Variants in TLL1 observed in about 807,000 individuals in gnomAD.
TLL1 encodes tolloid like 1, also known as tolloid-like protein 1.
Under a neutral mutation model 128.2 loss-of-function variants are expected in TLL1, and 49 were observed. The ratio of observed to expected loss-of-function variants is 0.38; its 90% confidence interval spans 0.30 to 0.48. The LOEUF is 0.48. Among genes scored for constraint, TLL1 ranks in the 20% least tolerant of loss-of-function variants. The pLI, the probability that TLL1 is intolerant of heterozygous loss-of-function variation, is 0.96. For synonymous variants in TLL1, 454 were observed against 418.8 expected, an observed-to-expected ratio of 1.08 and a Z score of -1.03; for missense variants, 1,123 against 1,242.0, an observed-to-expected ratio of 0.90 and a Z score of 1.44.
chr4:165,972,131 CATACTT>C (rs762901362), intron 1 of TLL1, among the ~76,000 whole-genome samples: 23 of 152,280 alleles, frequency 1.5e-4, no homozygotes, highest in Non-Finnish European at 1.9e-4. Flanking sequence ...CTGTGTGAAT[CATACTT>C]ATATATTTTA....
chr4:166,098,948 T>C (rs1742152975), intron 19 of TLL1, among the ~76,000 whole-genome samples: 1 of 152,136 alleles, frequency 6.6e-6, no homozygotes, highest in Non-Finnish European at 1.5e-5. Context: ...TTTTCATGTT[T>C]TAAATTCTCA....
intron 1 of TLL1, among the ~76,000 whole-genome samples, chr4:165,888,154 G>A (rs1349916217): frequency 6.6e-6 from 1 of 152,044 alleles, no homozygotes; most frequent in Non-Finnish European, 1.5e-5. Context: ...TGTGCTGACA[G>A]CCTCCCAGTG....
intron 1 of TLL1, among the ~76,000 whole-genome samples, chr4:165,988,253 C>A (rs1359706850): frequency 6.6e-6 from 1 of 151,914 alleles, no homozygotes; most frequent in Non-Finnish European, 1.5e-5. Context: ...ATGAACTCTC[C>A]CATGGTTTCA....
intron 1 of TLL1, among the ~76,000 whole-genome samples, chr4:165,925,575 A>C (rs1733232237): frequency 6.6e-6 from 1 of 152,252 alleles, no homozygotes; most frequent in African/African-American, 2.4e-5. Context: ...CCCCAGGTGA[A>C]GATGCTTTGA....
At chr4:165,893,135 T>C (rs1731497565) in intron 1 of TLL1, among the ~76,000 whole-genome samples, 1 of 152,230 alleles carries the variant, frequency 6.6e-6, no homozygotes, top group African/African-American at 2.4e-5. Context: ...TAAAGATATT[T>C]GGTCCAAATT....
chr4:166,100,672 C>T (rs749639576), intron 20 of TLL1, 70 bp from the exon 21 acceptor site: 54 of 1,585,566 alleles, frequency 3.4e-5, no homozygotes, highest in Middle Eastern at 1.7e-4. Flanking sequence ...CCCAAACATG[C>T]GTTACACTGA....
intron 1 of TLL1, among the ~76,000 whole-genome samples, chr4:165,985,147 C>T (rs768473343): frequency 7.2e-5 from 11 of 151,900 alleles, no homozygotes; most frequent in African/African-American, 1.2e-4. Context: ...CAAAATTAGT[C>T]GAGGAAGCCG....
Position 166,104,041 on chromosome 4 carries a change from C to T in TLL1, c.*3165C>T, listed in dbSNP as rs1742406620. Reference sequence around the variant, plus strand: ...TCCTATACTGGCTGGATTTTTGCTACCTGTCGCTCATTTTAATATGTCACA... The same window carrying T: ...TCCTATACTGGCTGGATTTTTGCTATCTGTCGCTCATTTTAATATGTCACA... On this transcript the variant is annotated 3_prime_UTR_variant, in exon 21 of 21. Transcript: ENST00000061240. The T allele has an allele frequency of 6.6e-6, 1 of 151,850 alleles. No individual in the cohort carries two copies. The highest frequency in any genetic ancestry group is 2.4e-5 in the African/African-American group (1 of 41,392). The allele number at this position is 151,850 out of a possible 1,614,324, so 9.4% of individuals were successfully genotyped here. A position where few individuals can be genotyped will look rare whatever the true frequency, so the allele number is the denominator to read the frequency against.
chr4:165,935,685 A>G (rs1733732091), intron 1 of TLL1, among the ~76,000 whole-genome samples: 1 of 152,194 alleles, frequency 6.6e-6, no homozygotes. Context: ...TTATGGATGT[A>G]TCAGCTAAAA....
chr4:166,026,710 A>C (rs1738512952), intron 9 of TLL1, among the ~76,000 whole-genome samples: 1 of 152,052 alleles, frequency 6.6e-6, no homozygotes, highest in South Asian at 2.1e-4. Context: ...AGACAAAAAC[A>C]AACCCCAAGG....
chr4:166,054,750 TTG>T (rs1739922445), intron 12 of TLL1, among the ~76,000 whole-genome samples: 1 of 152,094 alleles, frequency 6.6e-6, no homozygotes, highest in Admixed American at 6.6e-5. Context: ...ATTTTTAATT[TTG>T]GATTTTTTTC....
chr4:165,973,287 C>A (rs1352691801), intron 1 of TLL1, among the ~76,000 whole-genome samples: 2 of 151,994 alleles, frequency 1.3e-5, no homozygotes, highest in Non-Finnish European at 2.9e-5. Flanking sequence ...AGCATGTTTA[C>A]GTTGTCTTTC....
At chr4:165,884,622 G>A (rs1244758506) in intron 1 of TLL1, among the ~76,000 whole-genome samples, 1 of 152,152 alleles carries the variant, frequency 6.6e-6, no homozygotes, top group South Asian at 2.1e-4. Flanking sequence ...GATCACCTGA[G>A]GCCAAGAGTT....
rs1476184034 is a variant in TLL1, at chr4:166,102,403, G to A, written c.*1527G>A. The A allele has an allele frequency of 6.6e-6, 1 of 152,386 alleles. No individual in the cohort carries two copies. Among genetic ancestry groups the A allele is most frequent in the African/African-American group, 2.4e-5 (1 of 41,420 alleles). The allele number at this position is 152,386 out of a possible 1,614,324, so 9.4% of individuals were successfully genotyped here. A position where few individuals can be genotyped will look rare whatever the true frequency, so the allele number is the denominator to read the frequency against. ...ATTGTCTGAGTGAGTGAAACTACAA[G>A]AGGTAAAAAATAATGGGTGGTTGAA... On this transcript the variant is annotated 3_prime_UTR_variant, in exon 21 of 21. Transcript: ENST00000061240.
At chr4:166,097,106 ATGG>A (rs1190630776) in intron 19 of TLL1, among the ~76,000 whole-genome samples, 11 of 152,104 alleles carry the variant, frequency 7.2e-5, no homozygotes, top group African/African-American at 2.4e-4. Context: ...TGTGAGTACT[ATGG>A]ATGATTCCCT....
At chr4:166,036,303 C>T (rs1472832741) in intron 9 of TLL1, among the ~76,000 whole-genome samples, 2 of 152,166 alleles carry the variant, frequency 1.3e-5, no homozygotes, top group South Asian at 4.1e-4. Flanking sequence ...GCAGTGACAT[C>T]TATTCAACGT....
At chr4:165,887,203 T>TTATAACA (rs1187888636) in intron 1 of TLL1, among the ~76,000 whole-genome samples, 1 of 152,212 alleles carries the variant, frequency 6.6e-6, no homozygotes, top group Non-Finnish European at 1.5e-5. Flanking sequence ...TAGTCATATG[T>TTATAACA]TATAAAGATA....
intron 1 of TLL1, among the ~76,000 whole-genome samples, chr4:165,877,332 TA>T (rs1328728964): frequency 6.6e-6 from 1 of 152,228 alleles, no homozygotes; most frequent in African/African-American, 2.4e-5. Context: ...GGACAAAATA[TA>T]GGTACTTTAT....
At chr4:165,966,939 G>A (rs1294861626) in intron 1 of TLL1, among the ~76,000 whole-genome samples, 1 of 152,118 alleles carries the variant, frequency 6.6e-6, no homozygotes, top group African/African-American at 2.4e-5. Context: ...AATTTACTAG[G>A]CAGGAATTTC....
Sources: allele counts gnomAD v4.1 joint callset (sites outside exome capture counted in the v4.1 genomes callset), GRCh38; gene constraint gnomAD v4.1.1; transcripts MANE v1.5; gene names NCBI Gene and HGNC (gene_info 2026-07-23, HGNC 2026-07-21).